Variants in LMAN2 observed in about 807,000 individuals in gnomAD.
LMAN2 encodes the protein vesicular integral-membrane protein VIP36.
Under a neutral mutation model 39.3 loss-of-function variants are expected in LMAN2, and 22 were observed. The ratio of observed to expected loss-of-function variants is 0.56; its 90% CI spans 0.40 to 0.80. The LOEUF (loss-of-function observed/expected upper bound fraction) is 0.80. Ranked by LOEUF, LMAN2 falls within the 30% of genes least tolerant of loss-of-function variation. LMAN2 has a pLI of 0.00. For synonymous variants in LMAN2, 207 were observed against 207.8 expected (o/e 1.00, Z 0.03); for missense variants, 494 against 505.4 (o/e 0.98, Z 0.22).
intron 6 of LMAN2, among the ~76,000 whole-genome samples, chr5:177,335,602 G>A (rs915746997): frequency 2.0e-5 from 3 of 152,170 alleles, no homozygotes; most frequent in Admixed American, 6.5e-5. Context: ...CAGGCAACCC[G>A]GGGCAGGAGG....
Position 177,332,069 on chromosome 5 carries a change from C to A in LMAN2, c.*17G>T. 1 of 1,591,484 alleles carries A rather than the reference C, an allele frequency of 6.3e-7. No individual in the cohort carries two copies. Among genetic ancestry groups the A allele is most frequent in the South Asian group, 1.1e-5 (1 of 90,286 alleles). On this transcript the variant is annotated 3_prime_UTR_variant, in exon 8 of 8. Coordinates refer to ENST00000303127, the MANE Select transcript of LMAN2 (RefSeq NM_006816.3). The surrounding 1 kb of genome is among the most constrained non-coding windows in gnomAD (Gnocchi z 6.3). ...TTGGCTCCTGGGCCCAGGGACAGGC[C>A]CCGCCGGAGGCGCCACTCAGTAGAA...
chr5:177,346,458 G>GT, intron 2 of LMAN2: 1 of 323,166 alleles, frequency 3.1e-6, no homozygotes, highest in African/African-American at 2.2e-5. Flanking sequence ...ATTACCGGTT[G>GT]TTGTTTTTTT....
chr5:177,341,064 CTTTTTTTT>C (rs1298735934), intron 2 of LMAN2, among the ~76,000 whole-genome samples: 2 of 108,944 alleles, frequency 1.8e-5, no homozygotes, highest in African/African-American at 4.0e-5. Context: ...CTTTTTTTTT[CTTTTTTTT>C]TTTTTTTTTG....
intron 2 of LMAN2, among the ~76,000 whole-genome samples, chr5:177,348,484 G>A (rs1043309881): frequency 2.6e-5 from 4 of 151,838 alleles, no homozygotes; most frequent in African/African-American, 9.7e-5. Context: ...GCCAGGAGTC[G>A]GAGACCAGCC....
chr5:177,341,703 A>G (rs1761556792), intron 2 of LMAN2, among the ~76,000 whole-genome samples: 1 of 152,266 alleles, frequency 6.6e-6, no homozygotes, highest in South Asian at 2.1e-4. Flanking sequence ...GAAGGAACGA[A>G]GAACAACAAA....
At chr5:177,339,224 T>C (rs1761518732) in intron 2 of LMAN2, among the ~76,000 whole-genome samples, 1 of 152,166 alleles carries the variant, frequency 6.6e-6, no homozygotes, top group Non-Finnish European at 1.5e-5. Context: ...CACCAGCCCC[T>C]TTCTGGTCAC....
Position 177,351,421 on chromosome 5 carries a change from T to G in LMAN2, c.196+31A>C, listed in dbSNP as rs376981559. The G allele has an allele frequency of 1.3e-4, 203 of 1,609,040 alleles. 1 individual carries two copies. In the South Asian group the frequency reaches 1.9e-3, roughly 15 times the overall value. On this transcript the variant is annotated intron_variant, in intron 1 of 7. Transcript: ENST00000303127. ...TAGCCCTGTTCAGCCTCGCCCTCAC[T>G]CTTCACTCATTCCCGCCCCAAGGGC...
rs749137097 is a variant in LMAN2, at chr5:177,351,492, T to A, written c.156A>T (p.Glu52Asp). 6.2e-7 allele frequency: 1 copy of A among 1,614,094 alleles called. No homozygotes were observed. The highest frequency in any genetic ancestry group is 2.2e-5 in the East Asian group (1 of 44,888). Residue 52 changes from glutamate (E) to aspartate (D), a missense_variant, in exon 1 of 8, where the codon GAA becomes GAT. Coordinates refer to ENST00000303127, the MANE Select transcript of LMAN2 (RefSeq NM_006816.3). ...VTADITDGNS[E>D]HLKREHSLIK... ...TGAGCGAATGCTCCCGCTTGAGATG[T>A]TCACTGTTGCCGTCAGTTATATCCG...
chr5:177,332,314 C>T lies in LMAN2; in HGVS notation c.911-68G>A, dbSNP rs539564438. 23 of 1,467,156 alleles carry T rather than the reference C, an allele frequency of 1.6e-5. No homozygotes were observed. The highest frequency in any genetic ancestry group is 2.2e-4 in the Middle Eastern group (1 of 4,498). 90.9% of individuals were successfully genotyped at this position (1,467,156 alleles called of 1,614,324 possible). A position where few individuals can be genotyped will look rare whatever the true frequency, so the allele number is the denominator to read the frequency against. On this transcript the variant is annotated intron_variant, in intron 7 of 7. Coordinates refer to ENST00000303127, the MANE Select transcript of LMAN2 (RefSeq NM_006816.3). The surrounding 1 kb of genome is among the most constrained non-coding windows in gnomAD (Gnocchi z 6.3). ...CGGGGATCAGGGGGCTGCAGGAGGGCAGTGGGGATGGAACAGGACAGCCGG... is the reference window on the plus strand; with the variant it reads ...CGGGGATCAGGGGGCTGCAGGAGGGTAGTGGGGATGGAACAGGACAGCCGG...
At position 177,337,640 on chromosome 5, in the gene LMAN2, G is replaced by GC. The variant is rs1295889979; in HGVS notation, c.513+65dup. The stretch of plus-strand genomic sequence containing the variant: ...GTGCTGGGACCATGGAAGTCCCAGG[G>GC]CCCCCTCCTCTAGCCGACTGCCCAG... On this transcript the variant is annotated intron_variant, in intron 4 of 7. Coordinates refer to ENST00000303127, the MANE Select transcript of LMAN2 (RefSeq NM_006816.3). The surrounding 1 kb of genome is among the most constrained non-coding windows in gnomAD (Gnocchi z 8.2). 1 of 1,602,580 alleles carries GC rather than the reference G, an allele frequency of 6.2e-7. No individual in the cohort carries two copies. Among genetic ancestry groups the GC allele is most frequent in the Non-Finnish European group, 8.5e-7 (1 of 1,172,610 alleles).
At chr5:177,346,311 G>T in intron 2 of LMAN2, 1 of 342,140 alleles carries the variant, frequency 2.9e-6, no homozygotes, top group East Asian at 4.8e-5. Context: ...ATCGTTTCCA[G>T]ATGAGAATCC....
chr5:177,332,039 T>C lies in LMAN2; in HGVS notation c.*47A>G. ...TTATAATCCCGGTAAAAAAAAAAGT[T>C]CACATTGGCTCCTGGGCCCAGGGAC... is the stretch of plus-strand genomic sequence containing the variant. On this transcript the variant is annotated 3_prime_UTR_variant, in exon 8 of 8. Transcript: ENST00000303127. This position sits in a 1 kb window ranked among gnomAD's most constrained non-coding sequence, Gnocchi z 6.3. 1 of 1,530,362 alleles carries C rather than the reference T, an allele frequency of 6.5e-7. No individual in the cohort carries two copies. The allele number at this position is 1,530,362 out of a possible 1,614,324, so 94.8% of individuals were successfully genotyped here.
intron 2 of LMAN2, among the ~76,000 whole-genome samples, chr5:177,343,367 G>A (rs1214184355): frequency 2.0e-5 from 3 of 152,148 alleles, no homozygotes; most frequent in Non-Finnish European, 4.4e-5. Flanking sequence ...CCGTTTGGTA[G>A]TCCTCAAAAA....
intron 2 of LMAN2, among the ~76,000 whole-genome samples, chr5:177,344,227 A>G (rs1173099530): frequency 2.6e-5 from 4 of 151,420 alleles, no homozygotes; most frequent in Non-Finnish European, 5.9e-5. Flanking sequence ...ATCTCTAAAA[A>G]AAAAAAAATT....
At chr5:177,340,661 T>C (rs1424883800) in intron 2 of LMAN2, among the ~76,000 whole-genome samples, 2 of 152,050 alleles carry the variant, frequency 1.3e-5, no homozygotes. Flanking sequence ...TTCCAGCTAC[T>C]TGGGAGGCTG....
In LMAN2 at chr5:177,334,386, A is replaced by C. The variant is rs1197354567; in HGVS notation, c.808T>G (p.Ser270Ala). ...GDLSDNHDII[S>A]MKLFQLMVEH... Reference sequence around the variant, plus strand: ...ACCATCAGCTGGAACAGCTTCATGGAGATGATGTCATGATTGTCTGCAGGA... The same window carrying C: ...ACCATCAGCTGGAACAGCTTCATGGCGATGATGTCATGATTGTCTGCAGGA... Residue 270 changes from serine to alanine, a missense_variant, in exon 7 of 8, where the codon TCC (serine) becomes GCC (alanine). Ser to Ala is a moderately conservative substitution (Grantham distance 99). Coordinates refer to ENST00000303127, the MANE Select transcript of LMAN2 (RefSeq NM_006816.3). 6.2e-7 allele frequency: 1 copy of C among 1,613,368 alleles called. No individual in the cohort carries two copies. Among genetic ancestry groups the C allele is most frequent in the African/African-American group, 1.3e-5 (1 of 75,034 alleles).
At position 177,351,619 on chromosome 5, in the gene LMAN2, C is replaced by A. The variant is rs763728449; in HGVS notation, c.29G>T (p.Trp10Leu). 2.5e-6 allele frequency: 4 copies of A among 1,600,662 alleles called. No individual in the cohort carries two copies. The highest frequency in any genetic ancestry group is 3.4e-6 in the Non-Finnish European group (4 of 1,175,508). Residue 10 changes from tryptophan to leucine, a missense_variant, in exon 1 of 8, where the codon TGG (tryptophan) becomes TTG (leucine). Coordinates refer to ENST00000303127, the MANE Select transcript of LMAN2 (RefSeq NM_006816.3). ...TCCCAGGCACCGCCGGCCCCAGCCC[C>A]AACGCCAAATCCAGCCTTCCGCCGC... MAAEGWIWR[W>L]GWGRRCLGRP... is the part of the protein sequence containing the mutation.
Position 177,331,916 on chromosome 5 carries a change from T to C in LMAN2, c.*170A>G, listed in dbSNP as rs1297878705. Reference sequence around the variant, plus strand: ...GGGGTGCCAGACCCTAAGCCTCGGCTCTGCCACCTGTCCCTGCTGGGCAAG... The same window carrying C: ...GGGGTGCCAGACCCTAAGCCTCGGCCCTGCCACCTGTCCCTGCTGGGCAAG... On this transcript the variant is annotated 3_prime_UTR_variant, in exon 8 of 8. Transcript: ENST00000303127. The C allele has an allele frequency of 1.3e-6, 1 of 774,216 alleles. No individual in the cohort carries two copies. The highest frequency in any genetic ancestry group is 1.8e-5 in the African/African-American group (1 of 57,112). 48.0% of individuals were successfully genotyped at this position (774,216 alleles called of 1,614,324 possible). A position where few individuals can be genotyped will look rare whatever the true frequency, so the allele number is the denominator to read the frequency against.
Position 177,331,955 on chromosome 5 carries a change from G to T in LMAN2, c.*131C>A. 1 of 1,128,150 alleles carries T rather than the reference G, an allele frequency of 8.9e-7. No individual in the cohort carries two copies. The highest frequency in any genetic ancestry group is 1.2e-6 in the Non-Finnish European group (1 of 819,324). The allele number at this position is 1,128,150 out of a possible 1,614,324, so 69.9% of individuals were successfully genotyped here. A position where few individuals can be genotyped will look rare whatever the true frequency, so the allele number is the denominator to read the frequency against. On this transcript the variant is annotated 3_prime_UTR_variant, in exon 8 of 8. Coordinates refer to ENST00000303127, the MANE Select transcript of LMAN2 (RefSeq NM_006816.3). ...CTGCTGGGCAAGAAGCAAAATGTAT[G>T]AAAATACTTTAATCATTTATTTGAA... is the stretch of plus-strand genomic sequence containing the variant.
Sources: allele counts gnomAD v4.1 joint callset (sites outside exome capture counted in the v4.1 genomes callset), GRCh38; gene constraint gnomAD v4.1.1; non-coding constraint Gnocchi (gnomAD v3.1); transcripts MANE v1.5; gene names NCBI Gene and HGNC (gene_info 2026-07-23, HGNC 2026-07-21).